The following CYTIP variants were observed in gnomAD, a reference collection of about 807,000 sequenced individuals.
CYTIP encodes cytohesin 1 interacting protein.
A neutral mutation model predicts 43.8 loss-of-function variants in CYTIP; 26 were observed. The ratio of observed to expected loss-of-function variants is 0.59; its 90% CI spans 0.44 to 0.82. The LOEUF is 0.82. Among genes scored for constraint, CYTIP ranks in the 40% least tolerant of loss-of-function variants. CYTIP has a pLI of 0.00. For synonymous variants in CYTIP, 162 were observed against 162.9 expected (o/e 0.99, Z 0.04); for missense variants, 426 against 443.1 (o/e 0.96, Z 0.35).
At chr2:157,425,191 C>T (rs1474571394) in intron 6 of CYTIP, among the ~76,000 whole-genome samples, 2 of 152,080 alleles carry the variant, frequency 1.3e-5, no homozygotes, top group African/African-American at 4.8e-5. Context: ...GCTAAGGGAG[C>T]TAAACACCTA....
intron 3 of CYTIP, among the ~76,000 whole-genome samples, chr2:157,433,804 CAA>C (rs1685750607): frequency 6.6e-6 from 1 of 152,102 alleles, no homozygotes; most frequent in Admixed American, 6.5e-5. Flanking sequence ...CAAATGTTCT[CAA>C]GTGTTTCAAA....
chr2:157,440,158 A>T (rs944944580), intron 1 of CYTIP, among the ~76,000 whole-genome samples: 2 of 152,118 alleles, frequency 1.3e-5, no homozygotes, highest in Non-Finnish European at 2.9e-5. Flanking sequence ...AGGCCCCAAA[A>T]TTATGTGCTC....
At chr2:157,441,543 T>G (rs1274319197) in intron 1 of CYTIP, among the ~76,000 whole-genome samples, 1 of 151,998 alleles carries the variant, frequency 6.6e-6, no homozygotes, top group Non-Finnish European at 1.5e-5. Context: ...TCTGCATAAA[T>G]TAATTAGTAT....
rs973414745 is a variant in CYTIP at position 157,425,798 on chromosome 2, T to C, written c.546+1553A>G. 3.3e-5 allele frequency among the ~76,000 whole-genome samples: 5 copies of C among 152,210 alleles called. No individual in the cohort carries two copies. In the South Asian group the frequency reaches 1.0e-3, roughly 32 times the overall value. Reference sequence around the variant, plus strand: ...TTTGCAAAAACAAATTAACTTTAAATTCAAGTACAATATGAACCACTGTTT... The same window carrying C: ...TTTGCAAAAACAAATTAACTTTAAACTCAAGTACAATATGAACCACTGTTT... On this transcript the variant is annotated intron_variant, in intron 6 of 7. Transcript: ENST00000264192.
chr2:157,424,520 T>C (rs1445262947), intron 6 of CYTIP, among the ~76,000 whole-genome samples: 1 of 151,984 alleles, frequency 6.6e-6, no homozygotes, highest in East Asian at 1.9e-4. Flanking sequence ...CAAATTGATA[T>C]ATATATATAT....
intron 6 of CYTIP, among the ~76,000 whole-genome samples, chr2:157,420,433 T>A (rs1251173855): frequency 6.6e-6 from 1 of 152,020 alleles, no homozygotes. Context: ...GGATAATCAC[T>A]TGAACCTGGG....
At chr2:157,421,365 G>T (rs1054448156) in intron 6 of CYTIP, among the ~76,000 whole-genome samples, 1 of 152,194 alleles carries the variant, frequency 6.6e-6, no homozygotes, top group African/African-American at 2.4e-5. Context: ...TTGTTCCAAA[G>T]AAGTTTCCAA....
intron 3 of CYTIP, among the ~76,000 whole-genome samples, chr2:157,432,199 A>T (rs1685723467): frequency 6.6e-6 from 1 of 152,208 alleles, no homozygotes; most frequent in South Asian, 2.1e-4. Flanking sequence ...TCTACCCTCC[A>T]TTCCCAGAGA....
intron 7 of CYTIP, among the ~76,000 whole-genome samples, chr2:157,417,430 C>A (rs1221498100): frequency 6.6e-6 from 1 of 152,112 alleles, no homozygotes; most frequent in African/African-American, 2.4e-5. Flanking sequence ...CTATACAAGG[C>A]TGTTTCTATA....
At chr2:157,437,698 C>CA (rs137924124) in intron 1 of CYTIP, among the ~76,000 whole-genome samples, 102,141 of 118,230 alleles carry the variant, frequency 0.86, 44,217 homozygotes, top group Non-Finnish European at 0.92. Flanking sequence ...GACTCCATCT[C>CA]AAAAAAAAAA....
At chr2:157,430,750 A>G (rs1685699575) in intron 4 of CYTIP, 98 bp from the exon 5 acceptor site, 2 of 1,452,944 alleles carry the variant, frequency 1.4e-6, no homozygotes, top group Non-Finnish European at 1.9e-6. Context: ...TAAAAACATA[A>G]AGGAGCCAAG....
intron 1 of CYTIP, among the ~76,000 whole-genome samples, chr2:157,440,813 C>T (rs1187882832): frequency 2.0e-5 from 3 of 152,158 alleles, no homozygotes; most frequent in Non-Finnish European, 4.4e-5. Flanking sequence ...AAACTGCTTT[C>T]CAAAAGCAAC....
intron 1 of CYTIP, among the ~76,000 whole-genome samples, chr2:157,435,963 A>C (rs115068372): frequency 0.013 from 2,026 of 152,302 alleles, 23 homozygotes; most frequent in Non-Finnish European, 0.02. Context: ...CCAGGTACCA[A>C]ATGCCAGCAT....
At position 157,429,264 on chromosome 2, in the gene CYTIP, T is replaced by C. The variant is rs554092828; in HGVS notation, c.476+1295A>G. Among the ~76,000 whole-genome samples the C allele has an allele frequency of 3.3e-5, 5 of 152,326 alleles. No individual in the cohort carries two copies. The East Asian group carries it at 9.6e-4, about 29-fold the overall frequency. On this transcript the variant is annotated intron_variant, in intron 5 of 7. Transcript: ENST00000264192. ...CTTTCCCTTGTACATGCCAAGCCCA[T>C]TGTGAGCACTCAGAGACCTCTCTCT...
Position 157,415,849 on chromosome 2 carries a change from C to T in CYTIP, c.908G>A (p.Arg303Gln), listed in dbSNP as rs1048498488. 23 of 1,614,072 alleles carry T rather than the reference C, an allele frequency of 1.4e-5. No individual in the cohort carries two copies. The highest frequency in any genetic ancestry group is 2.7e-5 in the African/African-American group (2 of 74,912). The change falls in exon 8 of 8, where the codon CGG becomes CAG. Residue 303 changes from arginine (R) to glutamine (Q), a missense_variant. Coordinates refer to ENST00000264192, the MANE Select transcript of CYTIP (RefSeq NM_004288.5). ...TCCGCTGCTGGTGTTACTGATGCTC[C>T]GGTTCCTCCTTGAAGATGACCTCCT... ...FLRRSSSRRN[R>Q]SISNTSSGSM... is the part of the protein sequence containing the mutation.
chr2:157,442,986 T>G (rs1685941567), intron 1 of CYTIP, among the ~76,000 whole-genome samples: 1 of 152,202 alleles, frequency 6.6e-6, no homozygotes, highest in African/African-American at 2.4e-5. Context: ...GAAGAGGTAT[T>G]ATGGTTAAAA....
intron 1 of CYTIP, among the ~76,000 whole-genome samples, chr2:157,436,249 G>A (rs927137066): frequency 6.6e-6 from 1 of 152,126 alleles, no homozygotes; most frequent in African/African-American, 2.4e-5. Context: ...ATGGTTTGTT[G>A]TAACCTGATT....
At chr2:157,440,824 G>A (rs376799119) in intron 1 of CYTIP, among the ~76,000 whole-genome samples, 29 of 152,266 alleles carry the variant, frequency 1.9e-4, no homozygotes, top group East Asian at 7.7e-4. Context: ...CAAAAGCAAC[G>A]TACTACATTT....
At position 157,427,350 on chromosome 2, in the gene CYTIP, C is replaced by T. The variant is rs1685628182; in HGVS notation, c.546+1G>A. 1 of 1,606,824 alleles carries T rather than the reference C, an allele frequency of 6.2e-7. No homozygotes were observed. Among genetic ancestry groups the T allele is most frequent in the South Asian group, 1.1e-5 (1 of 90,060 alleles). ...TGCCTCACTGCATTAAATTAAATTA[C>T]CTTTAAAACCTGCAGCTTTGCTTCA... On this transcript the variant is annotated splice_donor_variant, in intron 6 of 7. Transcript: ENST00000264192. LOFTEE classifies it high-confidence loss of function.
Sources: allele counts gnomAD v4.1 joint callset (sites outside exome capture counted in the v4.1 genomes callset), GRCh38; gene constraint gnomAD v4.1.1; transcripts MANE v1.5; gene names NCBI Gene and HGNC (gene_info 2026-07-23, HGNC 2026-07-21).